VPS45: variants seen among roughly 807,000 people sequenced by gnomAD.
VPS45 encodes the protein vacuolar protein sorting-associated protein 45.
A neutral mutation model predicts 75.9 loss-of-function variants in VPS45; 35 were observed. That is an observed-to-expected ratio of 0.46 (90% CI 0.35 to 0.61). The LOEUF (loss-of-function observed/expected upper bound fraction) is 0.61, where lower values mean the gene tolerates loss of function less well. VPS45 is among the 20% of genes least tolerant of loss of function. The pLI is 0.00. For missense variants in VPS45, 559 were observed against 685.9 expected, an observed-to-expected ratio of 0.81 and a Z score of 2.07; for synonymous variants, 220 against 238.2, an observed-to-expected ratio of 0.92 and a Z score of 0.70.
chr1:150,080,199 G>T (rs1400962626), intron 7 of VPS45, among the ~76,000 whole-genome samples: 1 of 149,824 alleles, frequency 6.7e-6, no homozygotes, highest in Non-Finnish European at 1.5e-5. Context: ...AGGCTGGAGT[G>T]CAATGGTGTG....
intron 13 of VPS45, among the ~76,000 whole-genome samples, chr1:150,105,642 T>C (rs1480816419): frequency 3.9e-5 from 6 of 152,180 alleles, no homozygotes; most frequent in Non-Finnish European, 7.3e-5. Flanking sequence ...AAACATCCCA[T>C]GCTTATGGAT....
rs782545355 is a variant in VPS45, at chr1:150,092,021, C to T, written c.1189C>T (p.Arg397Ter). The part of the protein sequence containing the change: ...LVMLYALHYE[R>*]HSSNSLPGLM... ...GATGCTTTATGCTTTACATTATGAGCGACACAGCAGCAATAGCCTGCCAGG... is the reference window on the plus strand; with the variant it reads ...GATGCTTTATGCTTTACATTATGAGTGACACAGCAGCAATAGCCTGCCAGG... Residue 397 changes from arginine to a stop codon, truncating the protein, a stop_gained, in exon 11 of 15, where the codon CGA becomes TGA. Transcript: ENST00000644510. LOFTEE classifies it high-confidence loss of function. The T allele has an allele frequency of 3.7e-6, 6 of 1,614,002 alleles. No individual in the cohort carries two copies. In the South Asian group the frequency reaches 4.4e-5, roughly 12 times the overall value.
chr1:150,106,295 G>C (rs782072843), intron 13 of VPS45, among the ~76,000 whole-genome samples: 1 of 152,006 alleles, frequency 6.6e-6, no homozygotes, highest in Non-Finnish European at 1.5e-5. Context: ...CACAGCAAAA[G>C]AAATAACCAA....
intron 14 of VPS45, among the ~76,000 whole-genome samples, chr1:150,128,302 T>TAA (rs56026495): frequency 2.4e-4 from 35 of 145,328 alleles, no homozygotes; most frequent in South Asian, 1.1e-3. Flanking sequence ...ACCCTTGTCT[T>TAA]AAAAAAAAAA....
chr1:150,072,888 AT>A (rs1655163369), intron 3 of VPS45, among the ~76,000 whole-genome samples: 1 of 151,740 alleles, frequency 6.6e-6, no homozygotes, highest in Non-Finnish European at 1.5e-5. Flanking sequence ...AAGCTGATTT[AT>A]TTTTTGAAGT....
chr1:150,072,842 C>T (rs890468727), intron 3 of VPS45, among the ~76,000 whole-genome samples: 16 of 151,592 alleles, frequency 1.1e-4, no homozygotes, highest in African/African-American at 3.6e-4. Flanking sequence ...AAAGTATATA[C>T]TTATCCCTGT....
intron 2 of VPS45, among the ~76,000 whole-genome samples, chr1:150,069,845 A>T (rs1553796670): frequency 6.6e-6 from 1 of 152,142 alleles, no homozygotes; most frequent in Non-Finnish European, 1.5e-5. Flanking sequence ...TGCAAATTTG[A>T]TCATGACACT....
intron 10 of VPS45, among the ~76,000 whole-genome samples, chr1:150,088,475 C>CTTTTTTTTTTTTTTT (rs1312269902): frequency 1.1e-5 from 1 of 87,876 alleles, no homozygotes. Context: ...TTTCTTTTCC[C>CTTTTTTTTTTTTTTT]TTTTTTCTTT....
At chr1:150,100,895 A>G (rs1553804112) in intron 13 of VPS45, among the ~76,000 whole-genome samples, 1 of 152,250 alleles carries the variant, frequency 6.6e-6, no homozygotes, top group African/African-American at 2.4e-5. Context: ...CAACCTAGGT[A>G]ATACCATTCT....
chr1:150,073,386 C>T (rs192197333), intron 3 of VPS45, among the ~76,000 whole-genome samples: 13 of 152,090 alleles, frequency 8.5e-5, no homozygotes, highest in African/African-American at 2.4e-4. Flanking sequence ...TTAACATTTG[C>T]GAAAAGACTA....
chr1:150,119,322 A>G (rs1307132761), intron 14 of VPS45, among the ~76,000 whole-genome samples: 1 of 152,250 alleles, frequency 6.6e-6, no homozygotes, highest in Non-Finnish European at 1.5e-5. Flanking sequence ...GTAGGGCTGC[A>G]GTGAACTAGC....
At chr1:150,121,913 T>G (rs1408363736) in intron 14 of VPS45, among the ~76,000 whole-genome samples, 4 of 152,094 alleles carry the variant, frequency 2.6e-5, no homozygotes, top group African/African-American at 9.7e-5. Context: ...ATGTAATAGA[T>G]GCAGTGGGGG....
At chr1:150,122,181 C>A (rs1292984050) in intron 14 of VPS45, among the ~76,000 whole-genome samples, 1 of 152,096 alleles carries the variant, frequency 6.6e-6, no homozygotes, top group Non-Finnish European at 1.5e-5. Context: ...ATTAGCCGGG[C>A]CTGGTGGTGC....
intron 14 of VPS45, among the ~76,000 whole-genome samples, chr1:150,118,129 C>G (rs189146369): frequency 6.6e-6 from 1 of 151,042 alleles, no homozygotes; most frequent in African/African-American, 2.4e-5. Context: ...CTAAAAAATA[C>G]AAAAATTAGT....
intron 10 of VPS45, among the ~76,000 whole-genome samples, chr1:150,083,686 A>T (rs1553800025): frequency 1.3e-5 from 2 of 148,382 alleles, no homozygotes; most frequent in Non-Finnish European, 3.0e-5. Context: ...TATATATATA[A>T]AATATTTATA....
chr1:150,076,919 T>C lies in VPS45; in HGVS notation c.373T>C (p.Phe125Leu). 1 of 1,614,098 alleles carries C rather than the reference T, an allele frequency of 6.2e-7. No individual in the cohort carries two copies. Among genetic ancestry groups the C allele is most frequent in the Non-Finnish European group, 8.5e-7 (1 of 1,179,996 alleles). The change falls in exon 5 of 15, where the codon TTT (phenylalanine) becomes CTT (leucine). Residue 125 changes from phenylalanine (F) to leucine (L), a missense_variant. Transcript: ENST00000644510. ...EQEVVAEVQE[F>L]YGDYIAVNPH... ...ATTCTTGGTGCTTTATTTGCAGGAA[T>C]TTTATGGTGATTACATTGCTGTGAA...
chr1:150,136,422 G>C (rs951891402), intron 14 of VPS45, among the ~76,000 whole-genome samples: 5 of 151,894 alleles, frequency 3.3e-5, no homozygotes, highest in Non-Finnish European at 7.4e-5. Flanking sequence ...GGGCATGGTG[G>C]TGGACTCCTG....
chr1:150,072,589 G>A (rs937017378), intron 3 of VPS45, among the ~76,000 whole-genome samples: 6 of 149,202 alleles, frequency 4.0e-5, no homozygotes, highest in Admixed American at 2.0e-4. Context: ...CCGGAGAGGC[G>A]GAGATTGCAG....
chr1:150,091,625 C>T (rs182401923), intron 10 of VPS45, among the ~76,000 whole-genome samples: 111 of 152,190 alleles, frequency 7.3e-4, no homozygotes, highest in Admixed American at 1.4e-3. Flanking sequence ...TGATTCAAGT[C>T]GTGGAAATAG....
Sources: gnomAD v4.1 joint callset for allele counts (sites outside exome capture counted in the v4.1 genomes callset) on GRCh38, gnomAD v4.1.1 for gene constraint, MANE v1.5 for transcripts, NCBI Gene and HGNC (gene_info 2026-07-23, HGNC 2026-07-21) for gene names.